RBBP6: variants seen among roughly 807,000 people sequenced by gnomAD.
RBBP6 encodes the protein RB binding protein 6, ubiquitin ligase, also known as E3 ubiquitin-protein ligase RBBP6.
A neutral mutation model predicts 167.7 loss-of-function variants in RBBP6; 25 were observed. The observed-to-expected ratio is 0.15, with a 90% confidence interval of 0.11 to 0.21. RBBP6 has a LOEUF of 0.21. Ranked by LOEUF, RBBP6 falls within the 10% of genes least tolerant of loss-of-function variation. The pLI is 1.00. For missense variants in RBBP6, 1,868 were observed against 2,134.2 expected, an observed-to-expected ratio of 0.88 and a Z score of 2.46; for synonymous variants, 789 against 735.8, an observed-to-expected ratio of 1.07 and a Z score of -1.17.
In RBBP6 at chr16:24,567,204, C is replaced by G. The variant is rs774431943; in HGVS notation, c.1651C>G (p.Pro551Ala). The G allele has an allele frequency of 3.4e-5, 55 of 1,613,888 alleles. No homozygotes were observed. Among genetic ancestry groups the G allele is most frequent in the Non-Finnish European group, 4.7e-5 (55 of 1,179,740 alleles). The change falls in exon 15 of 18, where the codon CCA (proline) becomes GCA (alanine). Residue 551 changes from proline to alanine, a missense_variant. Coordinates refer to ENST00000319715, the MANE Select transcript of RBBP6 (RefSeq NM_006910.5). ...ACAGAGGACTCAAGGCCCGTCACTA[C>G]CAGCAACTCCAGTCTTTGTACCTGT... Reference protein sequence around the residue: ...RSQRTQGPSLPATPVFVPVPP... With the variant: ...RSQRTQGPSLAATPVFVPVPP...
At chr16:24,541,661 T>G (rs1304372162) in intron 1 of RBBP6, among the ~76,000 whole-genome samples, 2 of 152,208 alleles carry the variant, frequency 1.3e-5, no homozygotes, top group African/African-American at 4.8e-5. Context: ...TTGATAATAT[T>G]GGGAACTTAA....
chr16:24,571,129 A>C lies in RBBP6; in HGVS notation c.4063A>C (p.Lys1355Gln), dbSNP rs1170810891. Residue 1355 changes from lysine (K) to glutamine (Q), a missense_variant, in exon 18 of 18, where the codon AAG (lysine) becomes CAG (glutamine). By Grantham distance (53) the Lys-to-Gln change is moderately conservative. Transcript: ENST00000319715. ...TAGTGTTATAAAAAATGTTAGTACA[A>C]AGCCATCAAATATAGTCAAGTATCC... is the stretch of plus-strand genomic sequence containing the variant. Reference protein sequence around the residue: ...PASVIKNVSTKPSNIVKYPEK... With the variant: ...PASVIKNVSTQPSNIVKYPEK... The C allele has an allele frequency of 1.2e-6, 2 of 1,613,604 alleles. No individual in the cohort carries two copies. The highest frequency in any genetic ancestry group is 1.7e-4 in the Middle Eastern group (1 of 6,058).
Position 24,549,284 on chromosome 16 carries a change from T to C in RBBP6, c.303+303T>C, listed in dbSNP as rs760645587. On this transcript the variant is annotated intron_variant, in intron 3 of 17. Coordinates refer to ENST00000319715, the MANE Select transcript of RBBP6 (RefSeq NM_006910.5). ...GATCCTTTTTAGATCGTTTAGGTTT[T>C]ACACTAAGGAACATGATGACATGTT... 66 of 1,201,318 alleles carry C rather than the reference T, an allele frequency of 5.5e-5. No individual in the cohort carries two copies. In the African/African-American group the frequency reaches 7.5e-4, roughly 14 times the overall value. The allele number at this position is 1,201,318 out of a possible 1,614,324, so 74.4% of individuals were successfully genotyped here. A position where few individuals can be genotyped will look rare whatever the true frequency, so the allele number is the denominator to read the frequency against.
At chr16:24,548,317 G>GTTTT (rs67923848) in intron 2 of RBBP6, among the ~76,000 whole-genome samples, 6 of 143,648 alleles carry the variant, frequency 4.2e-5, no homozygotes, top group Non-Finnish European at 7.6e-5. Context: ...TTTTTGTTCA[G>GTTTT]TTTTTTTTTT....
Position 24,571,746 on chromosome 16 carries a change from T to C in RBBP6, c.4680T>C (p.Ser1560=). 1 of 1,613,962 alleles carries C rather than the reference T, an allele frequency of 6.2e-7. No homozygotes were observed. Among genetic ancestry groups the C allele is most frequent in the South Asian group, 1.1e-5 (1 of 91,062 alleles). The stretch of plus-strand genomic sequence containing the variant: ...AACGGCCAAATGAAGAGACAAAATC[T>C]GTAGATAAAAATCCTTGTAAGGATC... ...DTKRPNEETK[S]VDKNPCKDRE... Residue 1560 remains serine (S), a synonymous_variant, in exon 18 of 18, where the codon TCT becomes TCC. Coordinates refer to ENST00000319715, the MANE Select transcript of RBBP6 (RefSeq NM_006910.5).
chr16:24,571,267 G>A lies in RBBP6; in HGVS notation c.4201G>A (p.Gly1401Arg), dbSNP rs1262386603. The A allele has an allele frequency of 1.9e-6, 3 of 1,612,656 alleles. No individual in the cohort carries two copies. In the Middle Eastern group the frequency reaches 5.0e-4, roughly 266 times the overall value. Residue 1401 changes from glycine (G) to arginine (R), a missense_variant, in exon 18 of 18, where the codon GGG (glycine) becomes AGG (arginine). By Grantham distance (125) the Gly-to-Arg change is moderately radical. This residue lies in a region of RBBP6 where 591 missense variants were observed against 540.5 expected (regional missense o/e 1.09). Transcript: ENST00000319715. ...AAAAAACTCTGCATCTAGTGAAAAA[G>A]GGAAAACCAAAGATCGAGATTATTC... ...SSKNSASSEK[G>R]KTKDRDYSVL...
At chr16:24,544,289 C>T (rs569961694) in intron 1 of RBBP6, among the ~76,000 whole-genome samples, 13 of 152,256 alleles carry the variant, frequency 8.5e-5, no homozygotes, top group African/African-American at 2.6e-4. Context: ...AAAGCTTCCT[C>T]GGAATTTGGG....
rs374527269 is a variant in RBBP6 at position 24,571,059 on chromosome 16, A to T, written c.3993A>T (p.Glu1331Asp). 5.8e-5 allele frequency: 93 copies of T among 1,611,790 alleles called. No homozygotes were observed. Among genetic ancestry groups the T allele is most frequent in the Admixed American group, 3.5e-4 (21 of 59,944 alleles). The change falls in exon 18 of 18, where the codon GAA (glutamate) becomes GAT (aspartate). Residue 1331 changes from glutamate to aspartate, a missense_variant. Transcript: ENST00000319715. ...AAGATGACTTTGAATCTGAAGAAGA[A>T]GATGTTAAATCCACACAGCCTATAT... ...WDKDDFESEE[E>D]DVKSTQPISS...
chr16:24,559,471 A>T (rs1898996277), intron 7 of RBBP6, 34 bp from the exon 8 acceptor site: 3 of 1,541,254 alleles, frequency 1.9e-6, no homozygotes, highest in Admixed American at 3.8e-5. Context: ...CTGCCTTCTT[A>T]ACAATGGTAA....
chr16:24,548,024 C>T (rs1181361449), intron 2 of RBBP6, among the ~76,000 whole-genome samples: 1 of 142,216 alleles, frequency 7.0e-6, no homozygotes, highest in South Asian at 2.2e-4. Flanking sequence ...ACTAGAAAAT[C>T]AAAGCTCAGT....
chr16:24,572,386 A>G lies in RBBP6; in HGVS notation c.5320A>G (p.Lys1774Glu). The change falls in exon 18 of 18, where the codon AAA becomes GAA. Residue 1774 changes from lysine (K) to glutamate (E), a missense_variant. By Grantham distance (56) the Lys-to-Glu change is moderately conservative (BLOSUM62 1). Transcript: ENST00000319715. ...CAAGAAAAAGAAGTCAAAGAAGAAC[A>G]AAGATAAAGAGAAGGAGAAGGAGAA... is the stretch of plus-strand genomic sequence containing the variant. ...KHKKKKSKKN[K>E]DKEKEKEKDD... is the part of the protein sequence containing the mutation. The G allele has an allele frequency of 6.5e-7, 1 of 1,545,808 alleles. No individual in the cohort carries two copies. Among genetic ancestry groups the G allele is most frequent in the South Asian group, 1.2e-5 (1 of 82,586 alleles).
intron 14 of RBBP6, among the ~76,000 whole-genome samples, 178 bp downstream of exon 14, chr16:24,565,043 T>C: frequency 6.6e-6 from 1 of 152,248 alleles, no homozygotes; most frequent in Non-Finnish European, 1.5e-5. Context: ...ATAAATTATA[T>C]ATAGTATCTT....
chr16:24,551,749 A>G (rs1287340783), intron 3 of RBBP6, among the ~76,000 whole-genome samples: 1 of 151,746 alleles, frequency 6.6e-6, no homozygotes, highest in Non-Finnish European at 1.5e-5. Flanking sequence ...TTTCCAAGGA[A>G]ATCATCAGTA....
rs944089927 is a variant in RBBP6 at position 24,567,595 on chromosome 16, C to T, written c.1952+90C>T. The T allele has an allele frequency of 8.4e-6, 12 of 1,425,872 alleles. No individual in the cohort carries two copies. In the African/African-American group the frequency reaches 1.6e-4, roughly 19 times the overall value. 88.3% of individuals were successfully genotyped at this position (1,425,872 alleles called of 1,614,324 possible). A position where few individuals can be genotyped will look rare whatever the true frequency, so the allele number is the denominator to read the frequency against. On this transcript the variant is annotated intron_variant, in intron 15 of 17. Transcript: ENST00000319715. ...TGTCTGGAAACGTTTTCCAGTGTTT[C>T]CAGTTAGTATGAGAAATTCACCTAA... is the stretch of plus-strand genomic sequence containing the variant.
At chr16:24,558,347 C>G (rs1898967966) in intron 7 of RBBP6, 1 of 438,066 alleles carries the variant, frequency 2.3e-6, no homozygotes, top group Non-Finnish European at 3.0e-6. Context: ...GACTCTTCTT[C>G]TGTTTCTTTT....
intron 15 of RBBP6, 51 bp downstream of exon 15, chr16:24,567,556 T>C (rs921789355): frequency 3.9e-6 from 6 of 1,519,106 alleles, no homozygotes; most frequent in Middle Eastern, 1.8e-4. Context: ...TTTCTGATAA[T>C]AACATTAAAT....
chr16:24,542,561 C>T (rs1036850988), intron 1 of RBBP6, among the ~76,000 whole-genome samples: 4 of 151,910 alleles, frequency 2.6e-5, no homozygotes, highest in Admixed American at 1.3e-4. Context: ...CTGGTTTGAG[C>T]GATTCTCATG....
At chr16:24,552,739 T>G (rs1381344824) in intron 3 of RBBP6, among the ~76,000 whole-genome samples, 1 of 151,846 alleles carries the variant, frequency 6.6e-6, no homozygotes, top group Non-Finnish European at 1.5e-5. Context: ...TCTTCAGTGT[T>G]AGAGAATTGG....
chr16:24,564,022 C>CT (rs1899135857), intron 13 of RBBP6, among the ~76,000 whole-genome samples: 1 of 151,968 alleles, frequency 6.6e-6, no homozygotes, highest in Non-Finnish European at 1.5e-5. Context: ...GTAGGTTTAA[C>CT]TTTTTCTACC....
Sources: allele counts gnomAD v4.1 joint callset (sites outside exome capture counted in the v4.1 genomes callset), GRCh38; gene constraint gnomAD v4.1.1; regional missense constraint gnomAD v4.1.1; transcripts MANE v1.5; gene names NCBI Gene and HGNC (gene_info 2026-07-23, HGNC 2026-07-21).